The following ROBO1 variants were observed in gnomAD, a reference collection of about 807,000 sequenced individuals.
ROBO1 encodes the protein roundabout homolog 1.
Under a neutral mutation model 195.9 loss-of-function variants are expected in ROBO1, and 149 were observed. That is an observed-to-expected ratio of 0.76 (90% confidence interval 0.67 to 0.87). The LOEUF (loss-of-function observed/expected upper bound fraction) is 0.87. Ranked by LOEUF, ROBO1 falls within the 40% of genes least tolerant of loss-of-function variation. The pLI is 0.00. For synonymous variants in ROBO1, 816 were observed against 733.2 expected, an observed-to-expected ratio of 1.11 and a Z score of -1.82; for missense variants, 1,933 against 2,068.3, an observed-to-expected ratio of 0.93 and a Z score of 1.27.
At chr3:79,303,397 C>T (rs758512043) in intron 2 of ROBO1, among the ~76,000 whole-genome samples, 5 of 152,092 alleles carry the variant, frequency 3.3e-5, no homozygotes, top group Non-Finnish European at 7.4e-5. Flanking sequence ...AACTCCTGAC[C>T]TCAGGTGTTC....
At chr3:79,089,461 T>G (rs1376150188) in intron 3 of ROBO1, among the ~76,000 whole-genome samples, 2 of 152,176 alleles carry the variant, frequency 1.3e-5, no homozygotes, top group Non-Finnish European at 2.9e-5. Flanking sequence ...AAATTTAGTT[T>G]GTTTCTAGTT....
chr3:79,208,882 A>G (rs1035406529), intron 2 of ROBO1, among the ~76,000 whole-genome samples: 2 of 152,098 alleles, frequency 1.3e-5, no homozygotes, highest in Non-Finnish European at 2.9e-5. Flanking sequence ...TCGGAGGGCA[A>G]GGGGCATACT....
intron 2 of ROBO1, among the ~76,000 whole-genome samples, chr3:79,304,267 C>T (rs561974562): frequency 6.6e-6 from 1 of 152,128 alleles, no homozygotes; most frequent in African/African-American, 2.4e-5. Flanking sequence ...TTATGTAATA[C>T]ACTTAATTTA....
At chr3:79,526,105 A>G (rs1941422180) in intron 2 of ROBO1, among the ~76,000 whole-genome samples, 1 of 152,188 alleles carries the variant, frequency 6.6e-6, no homozygotes, top group Admixed American at 6.5e-5. Context: ...AAACTTAAAC[A>G]GGGTAGCTAG....
chr3:79,385,725 G>T (rs1000283211), intron 2 of ROBO1, among the ~76,000 whole-genome samples: 3 of 152,026 alleles, frequency 2.0e-5, no homozygotes, highest in African/African-American at 7.2e-5. Flanking sequence ...AAACAAAAAT[G>T]ACTTCACTGG....
intron 3 of ROBO1, among the ~76,000 whole-genome samples, chr3:79,114,155 C>CGTA (rs1165816866): frequency 6.6e-6 from 1 of 152,142 alleles, no homozygotes; most frequent in East Asian, 1.9e-4. Flanking sequence ...CTCCCAGCCA[C>CGTA]GTAGAACTGA....
intron 2 of ROBO1, among the ~76,000 whole-genome samples, chr3:79,496,596 C>G (rs1190172877): frequency 1.3e-5 from 2 of 149,034 alleles, no homozygotes. Context: ...ACCTTGTTAG[C>G]CAGGATGGTC....
intron 2 of ROBO1, among the ~76,000 whole-genome samples, chr3:79,413,633 AG>A (rs1008776437): frequency 6.6e-6 from 1 of 152,160 alleles, no homozygotes; most frequent in African/African-American, 2.4e-5. Flanking sequence ...AAAGCAAAAA[AG>A]GACATAATTT....
chr3:78,666,396 A>G (rs963173509), intron 14 of ROBO1, among the ~76,000 whole-genome samples: 1 of 152,230 alleles, frequency 6.6e-6, no homozygotes, highest in Non-Finnish European at 1.5e-5. Context: ...ATGAGGTTAC[A>G]TATTCCAGAA....
intron 2 of ROBO1, among the ~76,000 whole-genome samples, chr3:79,250,046 C>T (rs574907526): frequency 2.0e-5 from 3 of 152,074 alleles, no homozygotes; most frequent in Non-Finnish European, 4.4e-5. Flanking sequence ...CTGGGAGAGT[C>T]GTTGGAGTCT....
intron 4 of ROBO1, among the ~76,000 whole-genome samples, chr3:78,934,846 T>C (rs1031097651): frequency 6.6e-6 from 1 of 151,988 alleles, no homozygotes; most frequent in Admixed American, 6.6e-5. Flanking sequence ...ACATATTCTA[T>C]TTCCACTCCA....
At chr3:79,006,132 T>C (rs1188171203) in intron 3 of ROBO1, among the ~76,000 whole-genome samples, 2 of 152,216 alleles carry the variant, frequency 1.3e-5, no homozygotes, top group Admixed American at 1.3e-4. Flanking sequence ...TCAGGGACTC[T>C]TAGCTCATCA....
intron 10 of ROBO1, among the ~76,000 whole-genome samples, chr3:78,672,561 C>A (rs1171471322): frequency 6.9e-6 from 1 of 144,398 alleles, no homozygotes; most frequent in African/African-American, 2.6e-5. Context: ...GGCCACCGCA[C>A]TCCAGCCTGG....
intron 2 of ROBO1, among the ~76,000 whole-genome samples, chr3:79,158,937 TTATAAA>T (rs1167835856): frequency 3.3e-5 from 5 of 151,962 alleles, no homozygotes; most frequent in Admixed American, 6.6e-5. Flanking sequence ...TTTAAAATAG[TTATAAA>T]TATAGATTAG....
chr3:79,385,203 A>C (rs549438540), intron 2 of ROBO1, among the ~76,000 whole-genome samples: 1 of 152,230 alleles, frequency 6.6e-6, no homozygotes, highest in Admixed American at 6.5e-5. Context: ...CATGAAGTTA[A>C]ATTTTAAAAA....
intron 14 of ROBO1, among the ~76,000 whole-genome samples, chr3:78,666,622 G>A (rs1707753544): frequency 6.6e-6 from 1 of 152,160 alleles, no homozygotes; most frequent in Admixed American, 6.5e-5. Context: ...CTCCTGGAGA[G>A]GTGATTCATA....
At chr3:79,705,409 C>G (rs1947737917) in intron 1 of ROBO1, among the ~76,000 whole-genome samples, 1 of 135,626 alleles carries the variant, frequency 7.4e-6, no homozygotes, top group African/African-American at 3.3e-5. Flanking sequence ...TCCAGTTATT[C>G]TAGCAACATT....
intron 2 of ROBO1, among the ~76,000 whole-genome samples, chr3:79,416,133 T>A (rs1267808589): frequency 6.6e-6 from 1 of 152,078 alleles, no homozygotes; most frequent in Non-Finnish European, 1.5e-5. Flanking sequence ...TTGTCTGCAT[T>A]CTCATATAAG....
chr3:79,055,073 G>A (rs2078778859), intron 3 of ROBO1, among the ~76,000 whole-genome samples: 1 of 152,060 alleles, frequency 6.6e-6, no homozygotes, highest in African/African-American at 2.4e-5. Context: ...TCCCCATGGG[G>A]GTCACTGGCC....
Sources: gnomAD v4.1 joint callset for allele counts (sites outside exome capture counted in the v4.1 genomes callset) on GRCh38, gnomAD v4.1.1 for gene constraint, MANE v1.5 for transcripts, NCBI Gene and HGNC (gene_info 2026-07-23, HGNC 2026-07-21) for gene names.